TUSC3: variants seen among roughly 807,000 people sequenced by gnomAD.
TUSC3 encodes tumor suppressor candidate 3.
A neutral mutation model predicts 44.8 loss-of-function variants in TUSC3; 45 were observed. The observed-to-expected ratio is 1.00, with a 90% CI of 0.79 to 1.29. The LOEUF (loss-of-function observed/expected upper bound fraction) is 1.29, where lower values mean the gene tolerates loss of function less well. Ranked by LOEUF, TUSC3 falls within the 50% of genes most tolerant of loss-of-function variation. The pLI is 0.00. For synonymous variants in TUSC3, 212 were observed against 152.9 expected (o/e 1.39, Z -2.85); for missense variants, 519 against 437.9 (o/e 1.19, Z -1.65).
intron 1 of TUSC3, among the ~76,000 whole-genome samples, chr8:15,469,963 A>T (rs950413812): frequency 6.6e-6 from 1 of 152,170 alleles, no homozygotes; most frequent in Non-Finnish European, 1.5e-5. Flanking sequence ...GACAGTAAAG[A>T]GATCAGTGGA....
At chr8:15,822,971 A>G in the TUSC3 span, among the ~76,000 whole-genome samples, 4 of 152,274 alleles carry the variant, frequency 2.6e-5, no homozygotes, top group East Asian at 1.9e-4. Context: ...TCGTAACTCA[A>G]TAATACCGAC....
chr8:15,426,022 A>G (rs527823902), intron 1 of TUSC3, among the ~76,000 whole-genome samples: 2 of 152,370 alleles, frequency 1.3e-5, no homozygotes, highest in South Asian at 4.1e-4. Flanking sequence ...CCTCTAAAAA[A>G]TAATAAAATG....
intron 2 of TUSC3, among the ~76,000 whole-genome samples, chr8:15,635,697 A>ATGATGCCTTGACTAGCATGGC (rs1806037885): frequency 6.6e-6 from 1 of 152,220 alleles, no homozygotes; most frequent in African/African-American, 2.4e-5. Context: ...ACAGATGCGT[A>ATGATGCCTTGACTAGCATGGC]TGATGCCTTG....
At chr8:15,752,737 T>A (rs1317433949) in intron 9 of TUSC3, among the ~76,000 whole-genome samples, 3 of 152,064 alleles carry the variant, frequency 2.0e-5, no homozygotes, top group African/African-American at 7.2e-5. Flanking sequence ...TTCCTATAAG[T>A]AGAAAATTAT....
At chr8:15,632,514 T>G (rs1003889066) in intron 2 of TUSC3, among the ~76,000 whole-genome samples, 1 of 152,168 alleles carries the variant, frequency 6.6e-6, no homozygotes, top group African/African-American at 2.4e-5. Context: ...TTTGCTTTTA[T>G]TAAGTATTTG....
intron 6 of TUSC3, among the ~76,000 whole-genome samples, chr8:15,707,064 C>G (rs970734786): frequency 6.6e-6 from 1 of 151,900 alleles, no homozygotes; most frequent in African/African-American, 2.4e-5. Context: ...TTTTGAGTTA[C>G]TATGTCTCAA....
At chr8:15,668,178 T>G (rs932243480) in intron 5 of TUSC3, among the ~76,000 whole-genome samples, 1 of 151,776 alleles carries the variant, frequency 6.6e-6, no homozygotes, top group African/African-American at 2.4e-5. Context: ...AGAAAGTGTT[T>G]AGTAAATATT....
chr8:15,835,447 CTTTATG>C, the TUSC3 span, among the ~76,000 whole-genome samples: 2 of 151,616 alleles, frequency 1.3e-5, no homozygotes, highest in Non-Finnish European at 2.9e-5. Flanking sequence ...TGATTCCTGC[CTTTATG>C]TTTATTTGCT....
At chr8:15,781,712 G>A in the TUSC3 span, among the ~76,000 whole-genome samples, 2 of 152,298 alleles carry the variant, frequency 1.3e-5, no homozygotes, top group African/African-American at 4.8e-5. Flanking sequence ...TGAATTCCAT[G>A]AAACGTTCAA....
At chr8:15,419,474 T>A (rs1229241173) in intron 1 of TUSC3, among the ~76,000 whole-genome samples, 1 of 152,242 alleles carries the variant, frequency 6.6e-6, no homozygotes, top group Non-Finnish European at 1.5e-5. Flanking sequence ...TGTTTATTCA[T>A]AAATTTAGCA....
chr8:15,649,498 G>T (rs936025405), intron 2 of TUSC3, among the ~76,000 whole-genome samples: 5 of 151,872 alleles, frequency 3.3e-5, no homozygotes, highest in Non-Finnish European at 7.4e-5. Flanking sequence ...GCAGGAGAAT[G>T]GCATGATCCT....
intron 1 of TUSC3, among the ~76,000 whole-genome samples, chr8:15,452,598 A>G (rs1167336068): frequency 1.3e-5 from 2 of 152,230 alleles, no homozygotes; most frequent in East Asian, 3.9e-4. Context: ...GAGAAAGCAG[A>G]TAAGCTATAA....
intron 2 of TUSC3, among the ~76,000 whole-genome samples, chr8:15,635,019 C>T (rs1806000918): frequency 6.6e-6 from 1 of 152,100 alleles, no homozygotes; most frequent in Non-Finnish European, 1.5e-5. Flanking sequence ...CAAGAGAACT[C>T]AGTGACTGAA....
chr8:15,553,188 G>A (rs1272901673), intron 1 of TUSC3, among the ~76,000 whole-genome samples: 1 of 151,714 alleles, frequency 6.6e-6, no homozygotes, highest in East Asian at 1.9e-4. Context: ...AGAATATATG[G>A]AAATGAAGCT....
At chr8:15,583,955 T>A (rs975427302) in intron 1 of TUSC3, among the ~76,000 whole-genome samples, 3 of 152,230 alleles carry the variant, frequency 2.0e-5, no homozygotes, top group African/African-American at 7.2e-5. Flanking sequence ...ATGTGCTGAA[T>A]TAAATCTCAT....
chr8:15,604,178 A>G (rs1804423064), intron 1 of TUSC3, among the ~76,000 whole-genome samples: 1 of 151,632 alleles, frequency 6.6e-6, no homozygotes, highest in Admixed American at 6.6e-5. Context: ...TTAAAGACAT[A>G]TGTAACATTT....
intron 1 of TUSC3, among the ~76,000 whole-genome samples, chr8:15,479,467 G>T (rs1800629183): frequency 1.3e-5 from 2 of 152,170 alleles, no homozygotes; most frequent in Non-Finnish European, 2.9e-5. Context: ...TGTGTAAGAT[G>T]AAAGGAAGGG....
the TUSC3 span, among the ~76,000 whole-genome samples, chr8:15,840,473 A>G: frequency 6.6e-6 from 1 of 152,200 alleles, no homozygotes; most frequent in East Asian, 1.9e-4. Flanking sequence ...GCAAGAAACT[A>G]ACTCCAAGTC....
At chr8:15,546,277 C>T (rs1280440365) in intron 1 of TUSC3, among the ~76,000 whole-genome samples, 1 of 151,722 alleles carries the variant, frequency 6.6e-6, no homozygotes, top group Non-Finnish European at 1.5e-5. Flanking sequence ...TTTCTCATTG[C>T]TGTTTTATGG....
Sources: allele counts gnomAD v4.1 joint callset (sites outside exome capture counted in the v4.1 genomes callset), GRCh38; gene constraint gnomAD v4.1.1; transcripts MANE v1.5; gene names NCBI Gene and HGNC (gene_info 2026-07-23, HGNC 2026-07-21).